Variants in EPHA4 observed in about 807,000 individuals in gnomAD.
EPHA4 encodes the protein ephrin type-A receptor 4.
In EPHA4, 19 loss-of-function variants were observed where a neutral mutation model predicts 108.3. That is an observed-to-expected ratio of 0.18 (90% confidence interval 0.12 to 0.26). The LOEUF is 0.26. Among genes scored for constraint, EPHA4 ranks in the 10% least tolerant of loss-of-function variants. EPHA4 has a pLI of 1.00. For missense variants in EPHA4, 917 were observed against 1,254.0 expected (o/e 0.73, Z 4.06); for synonymous variants, 449 against 455.5 (o/e 0.99, Z 0.18).
chr2:221,554,723 T>G (rs1694256381), intron 3 of EPHA4, among the ~76,000 whole-genome samples: 1 of 152,148 alleles, frequency 6.6e-6, no homozygotes, highest in Middle Eastern at 3.2e-3. Flanking sequence ...TTAATTGTGA[T>G]TCTAGGTATG....
At chr2:221,544,964 T>G (rs1258060940) in intron 3 of EPHA4, among the ~76,000 whole-genome samples, 2 of 152,152 alleles carry the variant, frequency 1.3e-5, no homozygotes, top group African/African-American at 2.4e-5. Context: ...GATGAACCCT[T>G]GATCATGAGC....
intron 2 of EPHA4, among the ~76,000 whole-genome samples, chr2:221,567,643 A>T (rs1694714185): frequency 6.6e-6 from 1 of 152,214 alleles, no homozygotes; most frequent in Non-Finnish European, 1.5e-5. Context: ...ACAGCCTAAA[A>T]TTCTCCATTT....
At chr2:221,543,958 G>A (rs1377598481) in intron 3 of EPHA4, among the ~76,000 whole-genome samples, 1 of 152,120 alleles carries the variant, frequency 6.6e-6, no homozygotes, top group Non-Finnish European at 1.5e-5. Flanking sequence ...CGAGATCAAA[G>A]CAAAGTCAGT....
At chr2:221,543,364 A>G (rs551900419) in intron 3 of EPHA4, among the ~76,000 whole-genome samples, 1 of 152,222 alleles carries the variant, frequency 6.6e-6, no homozygotes, top group Non-Finnish European at 1.5e-5. Context: ...TCATTAACTC[A>G]TTTTGTGGTG....
At chr2:221,519,593 G>A (rs1243179751) in intron 3 of EPHA4, among the ~76,000 whole-genome samples, 4 of 152,152 alleles carry the variant, frequency 2.6e-5, no homozygotes, top group African/African-American at 7.2e-5. Flanking sequence ...AAGTCATTGC[G>A]ATCTTTGCCA....
chr2:221,570,133 G>A (rs1293441313), intron 1 of EPHA4, among the ~76,000 whole-genome samples: 1 of 152,066 alleles, frequency 6.6e-6, no homozygotes, highest in Non-Finnish European at 1.5e-5. Flanking sequence ...TACAAAAAAA[G>A]GAGGGAGTAG....
rs376651409 is a variant in EPHA4, at chr2:221,443,552, C to T, written c.1829G>A (p.Arg610Gln). The T allele has an allele frequency of 1.9e-5, 31 of 1,613,972 alleles. No homozygotes were observed. The highest frequency in any genetic ancestry group is 8.0e-5 in the African/African-American group (6 of 75,008). Residue 610 changes from arginine to glutamine, a missense_variant, in exon 10 of 18, where the codon CGA becomes CAA. Coordinates refer to ENST00000281821, the MANE Select transcript of EPHA4 (RefSeq NM_004438.5). ...FTYEDPNQAV[R>Q]EFAKEIDASC... ...TGCGTCAATTTCTTTGGCAAACTCT[C>T]GCACTGCTTGGTTGGGATCTTCGTA...
chr2:221,504,539 T>TTATA (rs10556912), intron 3 of EPHA4, among the ~76,000 whole-genome samples: 122 of 148,340 alleles, frequency 8.2e-4, no homozygotes, highest in African/African-American at 2.4e-3. Flanking sequence ...TTTGAAAATT[T>TTATA]TATATATATA....
intron 13 of EPHA4, among the ~76,000 whole-genome samples, chr2:221,435,656 C>T (rs574719845): frequency 1.3e-5 from 2 of 152,176 alleles, no homozygotes; most frequent in South Asian, 4.2e-4. Flanking sequence ...TGTGTTTATT[C>T]CATTAGTATT....
chr2:221,561,111 G>A (rs1488129342), intron 3 of EPHA4, among the ~76,000 whole-genome samples: 9 of 152,080 alleles, frequency 5.9e-5, no homozygotes, highest in East Asian at 3.9e-4. Context: ...GCGTGGTGGC[G>A]GGCGCCTGTA....
chr2:221,566,977 A>G (rs1467178453), intron 2 of EPHA4, among the ~76,000 whole-genome samples: 23 of 128,398 alleles, frequency 1.8e-4, no homozygotes, highest in Non-Finnish European at 3.0e-4. Flanking sequence ...GAGGAAGAAG[A>G]AGAAGAAGAA....
chr2:221,532,709 C>G (rs1329125103), intron 3 of EPHA4: 1 of 151,068 alleles, frequency 6.6e-6, no homozygotes, highest in Non-Finnish European at 1.5e-5. Context: ...CACCTGGGCA[C>G]CTTGTCTGTA....
At chr2:221,444,170 C>T (rs1454530100) in intron 9 of EPHA4, among the ~76,000 whole-genome samples, 1 of 152,118 alleles carries the variant, frequency 6.6e-6, no homozygotes, top group Non-Finnish European at 1.5e-5. Context: ...GACCTCACTT[C>T]TTTTCTGGTT....
chr2:221,453,237 G>T (rs1574575770), intron 8 of EPHA4, among the ~76,000 whole-genome samples: 1 of 152,174 alleles, frequency 6.6e-6, no homozygotes, highest in East Asian at 1.9e-4. Context: ...TTTAGAGGTG[G>T]AGGTATTTCA....
At chr2:221,530,640 G>A (rs902906371) in intron 3 of EPHA4, among the ~76,000 whole-genome samples, 1 of 152,126 alleles carries the variant, frequency 6.6e-6, no homozygotes, top group African/African-American at 2.4e-5. Context: ...AAGCTACTAG[G>A]CTAGGAATTC....
chr2:221,530,257 C>T (rs1013737740), intron 3 of EPHA4, among the ~76,000 whole-genome samples: 18 of 151,568 alleles, frequency 1.2e-4, no homozygotes, highest in African/African-American at 4.1e-4. Context: ...CTCAGCAAGT[C>T]GCCATCAGCT....
At chr2:221,503,354 T>C (rs944177347) in intron 3 of EPHA4, among the ~76,000 whole-genome samples, 4 of 152,194 alleles carry the variant, frequency 2.6e-5, no homozygotes, top group Non-Finnish European at 5.9e-5. Flanking sequence ...TGACTGATCA[T>C]CACAAAGTCC....
rs115787686 is a variant in EPHA4 at position 221,433,918 on chromosome 2, G to A, written c.2496+224C>T. ...ATTTTTTATCCATGAATCTATGTGC[G>A]TATGTATCTATCTCCCATACTGTAC... On this transcript the variant is annotated intron_variant, in intron 14 of 17. Transcript: ENST00000281821. Among the ~76,000 whole-genome samples the A allele has an allele frequency of 9.1e-3, 1,378 of 152,130 alleles. 37 individuals carry two copies. Among genetic ancestry groups the A allele is most frequent in the Non-Finnish European group, 7.0e-3 (478 of 68,006 alleles).
At chr2:221,444,547 A>G (rs1199011136) in intron 9 of EPHA4, among the ~76,000 whole-genome samples, 2 of 152,116 alleles carry the variant, frequency 1.3e-5, no homozygotes. Context: ...ATTTCTTGCT[A>G]CTTCTTTTTA....
Sources: allele counts gnomAD v4.1 joint callset (sites outside exome capture counted in the v4.1 genomes callset), GRCh38; gene constraint gnomAD v4.1.1; transcripts MANE v1.5; gene names NCBI Gene and HGNC (gene_info 2026-07-23, HGNC 2026-07-21).